The following SLIT3 variants were observed in gnomAD, a reference collection of about 807,000 sequenced individuals.
SLIT3 encodes slit guidance ligand 3.
SLIT3 carries 68 observed loss-of-function variants against 184.0 expected under a neutral mutation model. The ratio of observed to expected loss-of-function variants is 0.37; its 90% CI spans 0.30 to 0.45. The LOEUF (loss-of-function observed/expected upper bound fraction) is 0.45. SLIT3 is among the 20% of genes least tolerant of loss of function. The pLI is 1.00. For synonymous variants in SLIT3, 831 were observed against 828.6 expected (o/e 1.00, Z -0.05); for missense variants, 1,707 against 2,026.0 (o/e 0.84, Z 3.02).
At chr5:168,715,457 G>A (rs111759791) in intron 23 of SLIT3, among the ~76,000 whole-genome samples, 3 of 152,136 alleles carry the variant, frequency 2.0e-5, no homozygotes, top group African/African-American at 7.2e-5. Context: ...TTGGTGTGAG[G>A]TTGAGCATGC....
chr5:168,872,966 G>A (rs778323784), intron 5 of SLIT3, among the ~76,000 whole-genome samples: 1 of 152,110 alleles, frequency 6.6e-6, no homozygotes, highest in Non-Finnish European at 1.5e-5. Flanking sequence ...AGACAATCTT[G>A]ATGGTCTTCT....
intron 1 of SLIT3, 61 bp from the exon 2 acceptor site, chr5:169,251,520 C>A: frequency 8.8e-7 from 1 of 1,140,744 alleles, no homozygotes; most frequent in Non-Finnish European, 1.3e-6. Flanking sequence ...TCTATTTAAT[C>A]CAGACTGGCT....
chr5:169,237,839 A>G (rs1012103313), intron 3 of SLIT3, among the ~76,000 whole-genome samples: 1 of 152,094 alleles, frequency 6.6e-6, no homozygotes, highest in Non-Finnish European at 1.5e-5. Context: ...ACATGTTTTG[A>G]AAATATTTTC....
rs78623698 is a variant in SLIT3 at position 168,988,745 on chromosome 5, G to T, written c.414-105409C>A. On this transcript the variant is annotated intron_variant, in intron 4 of 35. Coordinates refer to ENST00000519560, the MANE Select transcript of SLIT3 (RefSeq NM_003062.4). Reference sequence around the variant, plus strand: ...GGAAAATCTTCACGGATCTCACTTTGGCACACTGGAGGAGAATCAACTAGG... The same window carrying T: ...GGAAAATCTTCACGGATCTCACTTTTGCACACTGGAGGAGAATCAACTAGG... Among the ~76,000 whole-genome samples the T allele has an allele frequency of 5.9e-3, 903 of 152,204 alleles. 12 individuals are homozygous for T. The highest frequency in any genetic ancestry group is 0.021 in the African/African-American group (859 of 41,532).
chr5:169,231,014 A>T (rs1323944102), intron 3 of SLIT3, among the ~76,000 whole-genome samples: 1 of 152,090 alleles, frequency 6.6e-6, no homozygotes, highest in Non-Finnish European at 1.5e-5. Context: ...AGTGCAGCAG[A>T]TCCTTGAATA....
intron 4 of SLIT3, among the ~76,000 whole-genome samples, chr5:168,968,788 T>A (rs1398264516): frequency 2.6e-5 from 4 of 152,126 alleles, no homozygotes; most frequent in Non-Finnish European, 5.9e-5. Context: ...CTCAGGAAAA[T>A]TTAAAGGCTT....
At position 168,749,479 on chromosome 5, in the gene SLIT3, G is replaced by A. The variant is rs1246104892; in HGVS notation, c.2130C>T (p.Thr710=). ...GACCCACAGCCTTCTTACCATCACAGGTGAAGTCCTGGATGGCCACATCCT... is the reference window on the plus strand; with the variant it reads ...GACCCACAGCCTTCTTACCATCACAAGTGAAGTCCTGGATGGCCACATCCT... The part of the protein sequence containing the change: ...PIQDVAIQDF[T]CDGNEESSCQ... The change falls in exon 19 of 36, where the codon ACC becomes ACT. Residue 710 remains threonine (T), a synonymous_variant. Coordinates refer to ENST00000519560, the MANE Select transcript of SLIT3 (RefSeq NM_003062.4). 2.5e-6 allele frequency: 4 copies of A among 1,614,016 alleles called. No homozygotes were observed. Among genetic ancestry groups the A allele is most frequent in the Admixed American group, 1.7e-5 (1 of 60,014 alleles).
chr5:168,972,376 T>TGTGTGTGTGTGTGTGTGTGTGTGTGTGA (rs1245225696), intron 4 of SLIT3, among the ~76,000 whole-genome samples: 1 of 150,674 alleles, frequency 6.6e-6, no homozygotes, highest in African/African-American at 2.4e-5. Flanking sequence ...TGTGTGTGTG[T>TGTGTGTGTGTGTGTGTGTGTGTGTGTGA]GAAGAGAGAA....
chr5:168,999,064 C>T (rs1755612193), intron 4 of SLIT3, among the ~76,000 whole-genome samples: 1 of 152,106 alleles, frequency 6.6e-6, no homozygotes, highest in Admixed American at 6.5e-5. Flanking sequence ...CAGGTGTGCA[C>T]CAGCATGCCC....
intron 2 of SLIT3, among the ~76,000 whole-genome samples, chr5:169,248,167 G>C (rs189720721): frequency 4.1e-4 from 63 of 152,190 alleles, no homozygotes; most frequent in African/African-American, 1.5e-3. Flanking sequence ...AAGGCCCAGG[G>C]GACAGTAGTG....
At chr5:168,861,347 CTA>C (rs1214431211) in intron 5 of SLIT3, among the ~76,000 whole-genome samples, 1 of 151,856 alleles carries the variant, frequency 6.6e-6, no homozygotes, top group Non-Finnish European at 1.5e-5. Flanking sequence ...CTTGGTAAGT[CTA>C]TGACTCTTGG....
At chr5:168,693,826 A>C (rs1354766532) in intron 28 of SLIT3, among the ~76,000 whole-genome samples, 3 of 151,704 alleles carry the variant, frequency 2.0e-5, no homozygotes, top group Non-Finnish European at 4.4e-5. Flanking sequence ...GGAGCACTGA[A>C]CCCCTCCCTC....
chr5:168,962,859 C>G (rs1251284857), intron 4 of SLIT3, among the ~76,000 whole-genome samples: 2 of 152,190 alleles, frequency 1.3e-5, no homozygotes, highest in East Asian at 3.9e-4. Flanking sequence ...CTCCTTCCCA[C>G]TCTTCACACT....
chr5:168,952,410 G>A (rs543813163), intron 4 of SLIT3, among the ~76,000 whole-genome samples: 3 of 151,906 alleles, frequency 2.0e-5, no homozygotes, highest in African/African-American at 2.4e-5. Context: ...TGGCACCAGC[G>A]TCACATCTGG....
intron 4 of SLIT3, among the ~76,000 whole-genome samples, chr5:168,895,453 T>C (rs978840930): frequency 1.3e-5 from 2 of 152,052 alleles, no homozygotes; most frequent in African/African-American, 4.8e-5. Flanking sequence ...ACCTCAATGG[T>C]AGAGGTGAGA....
rs887088122 is a variant in SLIT3 at position 169,253,822 on chromosome 5, T to TA, written c.198-2364dup. Among the ~76,000 whole-genome samples the TA allele has an allele frequency of 9.8e-4, 149 of 152,064 alleles. 1 individual carries two copies. The highest frequency in any genetic ancestry group is 3.4e-3 in the African/African-American group (143 of 41,490). On this transcript the variant is annotated intron_variant, in intron 1 of 35. Coordinates refer to ENST00000519560, the MANE Select transcript of SLIT3 (RefSeq NM_003062.4). ...TGTTGGTGTGCTCTCTTCCTACGGG[T>TA]AAAAAAAGGCATCTATTTTGTGGCT...
At chr5:169,230,108 T>C (rs939913501) in intron 3 of SLIT3, among the ~76,000 whole-genome samples, 18 of 152,200 alleles carry the variant, frequency 1.2e-4, no homozygotes, top group African/African-American at 4.3e-4. Flanking sequence ...TTCTAGGAGC[T>C]ATACCTGTCA....
intron 4 of SLIT3, among the ~76,000 whole-genome samples, chr5:168,986,584 G>A (rs1755139593): frequency 6.6e-6 from 1 of 152,100 alleles, no homozygotes. Context: ...ATCATAACTT[G>A]CATGACCTGG....
At chr5:168,671,030 G>T (rs186289351) in intron 34 of SLIT3, among the ~76,000 whole-genome samples, 168 bp downstream of exon 34, 55 of 152,294 alleles carry the variant, frequency 3.6e-4, no homozygotes, top group African/African-American at 1.3e-3. Flanking sequence ...CTGCTCAGAT[G>T]TGTAAGCTCA....
Sources: gnomAD v4.1 joint callset for allele counts (sites outside exome capture counted in the v4.1 genomes callset) on GRCh38, gnomAD v4.1.1 for gene constraint, MANE v1.5 for transcripts, NCBI Gene and HGNC (gene_info 2026-07-23, HGNC 2026-07-21) for gene names.